The following BTBD1 variants were observed in gnomAD, a reference collection of about 807,000 sequenced individuals.
BTBD1 encodes BTB domain containing 1.
Under a neutral mutation model 48.0 loss-of-function variants are expected in BTBD1, and 34 were observed. The observed-to-expected ratio is 0.71, with a 90% CI of 0.54 to 0.94. The LOEUF is 0.94. Ranked by LOEUF, BTBD1 falls within the 40% of genes least tolerant of loss-of-function variation. The pLI is 0.00. For synonymous variants in BTBD1, 261 were observed against 242.1 expected (o/e 1.08, Z -0.72); for missense variants, 543 against 625.6 (o/e 0.87, Z 1.41).
At position 83,016,612 on chromosome 15, in the gene BTBD1, T is replaced by C. The variant is rs1298772269; in HGVS notation, c.*1455A>G. The C allele has an allele frequency of 2.0e-5, 3 of 152,128 alleles. No individual in the cohort carries two copies. Among genetic ancestry groups the C allele is most frequent in the African/African-American group, 4.8e-5 (2 of 41,438 alleles). 9.4% of individuals were successfully genotyped at this position (152,128 alleles called of 1,614,324 possible). ...AACTCATCTCTGGCATATCATATTT[T>C]TTAAGGCAGAAGTATTTTCTGTAAT... On this transcript the variant is annotated 3_prime_UTR_variant, in exon 8 of 8. Coordinates refer to ENST00000261721, the MANE Select transcript of BTBD1 (RefSeq NM_025238.4).
intron 2 of BTBD1, among the ~76,000 whole-genome samples, chr15:83,054,182 A>G (rs1232119005): frequency 2.0e-5 from 3 of 152,034 alleles, no homozygotes; most frequent in East Asian, 3.9e-4. Flanking sequence ...CTACCAAAAT[A>G]AAAAAATTAG....
At chr15:83,037,839 T>C (rs2032658649) in intron 4 of BTBD1, among the ~76,000 whole-genome samples, 1 of 152,112 alleles carries the variant, frequency 6.6e-6, no homozygotes, top group South Asian at 2.1e-4. Context: ...TCCCAGCGCT[T>C]TGGGAGGCCA....
chr15:83,030,085 A>G (rs1243654976), intron 5 of BTBD1, 51 bp downstream of exon 5: 1 of 1,515,370 alleles, frequency 6.6e-7, no homozygotes, highest in South Asian at 1.1e-5. Flanking sequence ...AAAAGGCCAA[A>G]TGGTAACTGC....
chr15:83,018,276 G>A (rs776693959), intron 7 of BTBD1, 51 bp from the exon 8 acceptor site: 8 of 1,368,326 alleles, frequency 5.8e-6, no homozygotes, highest in Non-Finnish European at 7.9e-6. Flanking sequence ...TAAGCACTCA[G>A]TTTAATGTGG....
At chr15:83,040,805 C>T (rs1236056597) in intron 4 of BTBD1, among the ~76,000 whole-genome samples, 1 of 149,498 alleles carries the variant, frequency 6.7e-6, no homozygotes, top group African/African-American at 2.5e-5. Context: ...GTAATGAAAA[C>T]AGGTCAGAAG....
At chr15:83,044,879 T>C (rs1221286969) in intron 3 of BTBD1, 4 of 688,614 alleles carry the variant, frequency 5.8e-6, no homozygotes, top group Admixed American at 2.3e-5. Flanking sequence ...CAATTATCTT[T>C]ATCACAAACG....
intron 1 of BTBD1, among the ~76,000 whole-genome samples, chr15:83,059,217 C>G (rs779723001): frequency 3.3e-5 from 5 of 152,090 alleles, no homozygotes; most frequent in Non-Finnish European, 5.9e-5. Context: ...TACGTCCACC[C>G]AGGTTTCTCT....
chr15:83,034,091 A>AC (rs1219885670), intron 4 of BTBD1, among the ~76,000 whole-genome samples: 3 of 109,476 alleles, frequency 2.7e-5, no homozygotes, highest in African/African-American at 1.1e-4. Flanking sequence ...TGTCTACACC[A>AC]AAAAAAAAAA....
At chr15:83,065,130 GCTGA>G (rs67049397) in intron 1 of BTBD1, among the ~76,000 whole-genome samples, 17,303 of 151,320 alleles carry the variant, frequency 0.11, 1,025 homozygotes, top group Middle Eastern at 0.22. Flanking sequence ...ATTCCCTACA[GCTGA>G]CTACTTCCTC....
chr15:83,040,733 T>G (rs887148696), intron 4 of BTBD1, among the ~76,000 whole-genome samples: 4 of 151,394 alleles, frequency 2.6e-5, no homozygotes, highest in African/African-American at 7.3e-5. Flanking sequence ...CATGAGACTT[T>G]TCTTTCTTTT....
chr15:83,021,683 G>C (rs1403880175), intron 5 of BTBD1, among the ~76,000 whole-genome samples: 3 of 151,844 alleles, frequency 2.0e-5, no homozygotes, highest in Non-Finnish European at 4.4e-5. Flanking sequence ...GAACCTGGGA[G>C]AAGGAAGCTG....
chr15:83,042,476 T>C (rs1394184926), intron 3 of BTBD1, among the ~76,000 whole-genome samples: 1 of 151,292 alleles, frequency 6.6e-6, no homozygotes, highest in East Asian at 1.9e-4. Context: ...CTCTGCCTCC[T>C]AGGTTCAAGC....
At chr15:83,057,729 T>C (rs2033111714) in intron 1 of BTBD1, among the ~76,000 whole-genome samples, 1 of 152,266 alleles carries the variant, frequency 6.6e-6, no homozygotes, top group Non-Finnish European at 1.5e-5. Flanking sequence ...TCCTTGAGGA[T>C]CCGCTGTTGT....
chr15:83,021,483 G>A (rs570083835), intron 5 of BTBD1, among the ~76,000 whole-genome samples: 1 of 152,282 alleles, frequency 6.6e-6, no homozygotes, highest in South Asian at 2.1e-4. Flanking sequence ...GGCTGGGTGT[G>A]GTGGCTCACA....
chr15:83,035,821 G>C (rs755563027), intron 4 of BTBD1, among the ~76,000 whole-genome samples: 25 of 151,730 alleles, frequency 1.6e-4, no homozygotes, highest in South Asian at 2.1e-4. Context: ...ACAAACTCTT[G>C]AACACTGGGG....
chr15:83,018,243 G>T lies in BTBD1; in HGVS notation c.1291-18C>A, dbSNP rs768989446. ...TCTGGACCCTAAATGAGAACAAAAGGTTCCTTAGTAATTTTCATTTAATAA... is the reference window on the plus strand; with the variant it reads ...TCTGGACCCTAAATGAGAACAAAAGTTTCCTTAGTAATTTTCATTTAATAA... On this transcript the variant is annotated intron_variant, in intron 7 of 7. Coordinates refer to ENST00000261721, the MANE Select transcript of BTBD1 (RefSeq NM_025238.4). 3.9e-6 allele frequency: 6 copies of T among 1,525,936 alleles called. No homozygotes were observed. The highest frequency in any genetic ancestry group is 2.3e-5 in the East Asian group (1 of 42,786). The allele number at this position is 1,525,936 out of a possible 1,614,324, so 94.5% of individuals were successfully genotyped here. A position where few individuals can be genotyped will look rare whatever the true frequency, so the allele number is the denominator to read the frequency against.
chr15:83,018,900 G>A lies in BTBD1; in HGVS notation c.1144-47C>T, dbSNP rs1411391861. Reference sequence around the variant, plus strand: ...TTACATTTAAGTTAAACCAAATAAAGCAAACTATAGAAAATAATATAAAGC... The same window carrying A: ...TTACATTTAAGTTAAACCAAATAAAACAAACTATAGAAAATAATATAAAGC... On this transcript the variant is annotated intron_variant, in intron 6 of 7. Transcript: ENST00000261721. 6 of 1,448,016 alleles carry A rather than the reference G, an allele frequency of 4.1e-6. No individual in the cohort carries two copies. The African/African-American group carries it at 7.3e-5, about 18-fold the overall frequency. The allele number at this position is 1,448,016 out of a possible 1,614,324, so 89.7% of individuals were successfully genotyped here.
chr15:83,062,194 T>C (rs2033187205), intron 1 of BTBD1, among the ~76,000 whole-genome samples: 1 of 152,090 alleles, frequency 6.6e-6, no homozygotes, highest in Admixed American at 6.5e-5. Flanking sequence ...TAAAAAGAAG[T>C]CATTAAAAGA....
In BTBD1 at chr15:83,033,590, A is replaced by G. The variant is rs578089094; in HGVS notation, c.863-3262T>C. On this transcript the variant is annotated intron_variant, in intron 4 of 7. Coordinates refer to ENST00000261721, the MANE Select transcript of BTBD1 (RefSeq NM_025238.4). ...TAATTTAAAAATTTTAATTTTATTT[A>G]TTTATTTAGAGACAGGGTCTCACTG... Among the ~76,000 whole-genome samples, 393 of 152,148 alleles carry G rather than the reference A, an allele frequency of 2.6e-3. 2 individuals carry two copies. Among genetic ancestry groups the G allele is most frequent in the South Asian group, 1.0e-2 (48 of 4,818 alleles).
Sources: allele counts gnomAD v4.1 joint callset (sites outside exome capture counted in the v4.1 genomes callset), GRCh38; gene constraint gnomAD v4.1.1; transcripts MANE v1.5; gene names NCBI Gene and HGNC (gene_info 2026-07-23, HGNC 2026-07-21).